FAM169A: variants seen among roughly 807,000 people sequenced by gnomAD.
FAM169A encodes soluble lamin-associated protein of 75 kDa.
In FAM169A, 24 loss-of-function variants were observed where a neutral mutation model predicts 75.7. The observed-to-expected ratio is 0.32, with a 90% CI of 0.23 to 0.45. FAM169A has a LOEUF of 0.45. FAM169A is among the 20% of genes least tolerant of loss of function. The pLI, the probability that FAM169A is intolerant of heterozygous loss-of-function variation, is 1.00. For synonymous variants in FAM169A, 271 were observed against 271.0 expected (o/e 1.00, Z 0.00); for missense variants, 673 against 784.0 (o/e 0.86, Z 1.69).
At chr5:74,805,369 C>CTGAAAAGTAAGCTTCCCA in intron 6 of FAM169A, 85 bp from the exon 7 acceptor site, 4 of 1,291,878 alleles carry the variant, frequency 3.1e-6, no homozygotes, top group Non-Finnish European at 4.3e-6. Flanking sequence ...CTTCCCAACT[C>CTGAAAAGTAAGCTTCCCA]ACTTAACGGG....
intron 11 of FAM169A, among the ~76,000 whole-genome samples, chr5:74,795,538 G>C (rs930056724): frequency 4.6e-5 from 7 of 152,194 alleles, no homozygotes; most frequent in African/African-American, 1.7e-4. Flanking sequence ...TTTTTCTAGT[G>C]TTTAAAAAAC....
chr5:74,814,681 G>A (rs772666147), intron 5 of FAM169A, among the ~76,000 whole-genome samples: 1 of 152,072 alleles, frequency 6.6e-6, no homozygotes, highest in Non-Finnish European at 1.5e-5. Flanking sequence ...AAAATTTGTA[G>A]TTTCTATATA....
chr5:74,801,634 AAAAG>A lies in FAM169A; in HGVS notation c.913-9_913-6del. ...GGCATCTTTTAGAGAATCAATCTAA[AAAAG>A]AGAGAGATTCAAACCCAAAGTTTTA... On this transcript the variant is annotated splice_region_variant and splice_polypyrimidine_tract_variant and intron_variant, in intron 8 of 12. Transcript: ENST00000687041. The A allele has an allele frequency of 6.2e-7, 1 of 1,608,174 alleles. No individual in the cohort carries two copies.
At chr5:74,804,729 T>G (rs1746774768) in intron 7 of FAM169A, 124 bp from the exon 8 acceptor site, 1 of 546,762 alleles carries the variant, frequency 1.8e-6, no homozygotes. Context: ...AAAATCTAGG[T>G]GTGAGATGTT....
At chr5:74,864,159 A>G (rs1297722294) in intron 1 of FAM169A, among the ~76,000 whole-genome samples, 1 of 152,262 alleles carries the variant, frequency 6.6e-6, no homozygotes, top group Non-Finnish European at 1.5e-5. Context: ...GTTTAATTTA[A>G]TAAGGAGGAT....
At chr5:74,840,204 A>G in intron 2 of FAM169A, 31 bp from the exon 3 acceptor site, 1 of 1,021,558 alleles carries the variant, frequency 9.8e-7, no homozygotes, top group South Asian at 1.6e-5. Context: ...AGATTAGTGA[A>G]CAGTCTGTTA....
intron 4 of FAM169A, among the ~76,000 whole-genome samples, chr5:74,835,879 A>G (rs1344840114): frequency 6.6e-6 from 1 of 152,174 alleles, no homozygotes; most frequent in East Asian, 1.9e-4. Context: ...TCTATTTCTC[A>G]AAGACTATAT....
At chr5:74,786,514 C>T (rs1289997924) in intron 11 of FAM169A, among the ~76,000 whole-genome samples, 2 of 152,156 alleles carry the variant, frequency 1.3e-5, no homozygotes, top group Non-Finnish European at 2.9e-5. Context: ...ATTTGACACT[C>T]CTGATACACC....
chr5:74,843,069 G>A (rs571235260), intron 1 of FAM169A, among the ~76,000 whole-genome samples: 2 of 152,046 alleles, frequency 1.3e-5, no homozygotes, highest in East Asian at 3.9e-4. Context: ...AATAAGGGGG[G>A]CGGGGGCAGC....
chr5:74,782,528 C>A (rs766111374), intron 12 of FAM169A, among the ~76,000 whole-genome samples: 7 of 152,146 alleles, frequency 4.6e-5, no homozygotes, highest in East Asian at 1.9e-4. Context: ...AATTAAATTT[C>A]TTTTAAAATA....
chr5:74,836,902 C>G (rs1748596970), intron 4 of FAM169A, among the ~76,000 whole-genome samples: 1 of 150,686 alleles, frequency 6.6e-6, no homozygotes, highest in African/African-American at 2.4e-5. Flanking sequence ...GAGCCGAGAT[C>G]ATGCCACTGC....
intron 5 of FAM169A, among the ~76,000 whole-genome samples, chr5:74,828,976 A>G (rs1561311585): frequency 6.6e-6 from 1 of 152,224 alleles, no homozygotes; most frequent in Non-Finnish European, 1.5e-5. Context: ...AAATTCTGAG[A>G]AAAGTTTGCA....
At position 74,866,377 on chromosome 5, in the gene FAM169A, C is replaced by T. The variant is rs1282013806; in HGVS notation, c.-216G>A. Reference sequence around the variant, plus strand: ...CGCGGCCCACCGTGCCCTCCGACGACGTGACGCACTAGCGCCGCAGCGCCT... The same window carrying T: ...CGCGGCCCACCGTGCCCTCCGACGATGTGACGCACTAGCGCCGCAGCGCCT... On this transcript the variant is annotated 5_prime_UTR_variant, in exon 1 of 13. Coordinates refer to ENST00000687041, the MANE Select transcript of FAM169A (RefSeq NM_001376049.1). The T allele has an allele frequency of 8.1e-6, 8 of 984,274 alleles. No homozygotes were observed. The highest frequency in any genetic ancestry group is 1.2e-6 in the Non-Finnish European group (1 of 829,558). The allele number at this position is 984,274 out of a possible 1,614,324, so 61.0% of individuals were successfully genotyped here. A position where few individuals can be genotyped will look rare whatever the true frequency, so the allele number is the denominator to read the frequency against.
intron 1 of FAM169A, among the ~76,000 whole-genome samples, chr5:74,843,603 T>C (rs1748997472): frequency 6.6e-6 from 1 of 152,156 alleles, no homozygotes; most frequent in South Asian, 2.1e-4. Context: ...ATTTCATTGG[T>C]CTATCTTATT....
chr5:74,836,789 A>AAT (rs1748591418), intron 4 of FAM169A, among the ~76,000 whole-genome samples: 1 of 152,166 alleles, frequency 6.6e-6, no homozygotes, highest in Non-Finnish European at 1.5e-5. Flanking sequence ...CTCTACTAAA[A>AAT]ATACAAAAAT....
chr5:74,843,175 T>C (rs1459132769), intron 1 of FAM169A, among the ~76,000 whole-genome samples: 1 of 152,004 alleles, frequency 6.6e-6, no homozygotes, highest in African/African-American at 2.4e-5. Context: ...ACAGAAACAG[T>C]ACAAAATCTA....
Position 74,781,379 on chromosome 5 carries a change from A to C in FAM169A, c.*81T>G. 1 of 1,374,670 alleles carries C rather than the reference A, an allele frequency of 7.3e-7. No individual in the cohort carries two copies. Among genetic ancestry groups the C allele is most frequent in the Non-Finnish European group, 1.0e-6 (1 of 1,000,956 alleles). The allele number at this position is 1,374,670 out of a possible 1,614,324, so 85.2% of individuals were successfully genotyped here. A position where few individuals can be genotyped will look rare whatever the true frequency, so the allele number is the denominator to read the frequency against. On this transcript the variant is annotated 3_prime_UTR_variant, in exon 13 of 13. Transcript: ENST00000687041. ...TTTGGAAATTTTTGTCCTGTGCCCC[A>C]TGCTGTTTATTAATTACCATATTTT...
At chr5:74,836,498 A>G (rs536658211) in intron 4 of FAM169A, among the ~76,000 whole-genome samples, 1 of 152,342 alleles carries the variant, frequency 6.6e-6, no homozygotes, top group African/African-American at 2.4e-5. Context: ...TTCCAGGTAC[A>G]GAGAGGTTTA....
intron 2 of FAM169A, among the ~76,000 whole-genome samples, chr5:74,840,984 G>C (rs1050917047): frequency 6.6e-6 from 1 of 151,958 alleles, no homozygotes; most frequent in African/African-American, 2.4e-5. Flanking sequence ...TAAAAATATT[G>C]GTGCTGGGGA....
Sources: allele counts gnomAD v4.1 joint callset (sites outside exome capture counted in the v4.1 genomes callset), GRCh38; gene constraint gnomAD v4.1.1; transcripts MANE v1.5; gene names NCBI Gene and HGNC (gene_info 2026-07-23, HGNC 2026-07-21).